SRGAP2B: variants seen among roughly 807,000 people sequenced by gnomAD.
SRGAP2B encodes the protein SLIT-ROBO Rho GTPase activating protein 2B.
Under a neutral mutation model 22.2 loss-of-function variants are expected in SRGAP2B, and 9 were observed. The observed-to-expected ratio is 0.41, with a 90% confidence interval of 0.24 to 0.71. SRGAP2B has a LOEUF of 0.71. Among genes scored for constraint, SRGAP2B ranks in the 30% least tolerant of loss-of-function variants. SRGAP2B has a pLI of 0.35. For missense variants in SRGAP2B, 114 were observed against 235.8 expected (o/e 0.48, Z 3.38); for synonymous variants, 36 against 87.4 (o/e 0.41, Z 3.28).
intron 2 of SRGAP2B, among the ~76,000 whole-genome samples, chr1:145,071,715 T>TA (rs1248773988): frequency 2.4e-5 from 1 of 41,448 alleles, no homozygotes. Flanking sequence ...TGTAAACAAA[T>TA]ACGTGCAAAA....
At chr1:145,009,368 C>A (rs1446813159) in intron 2 of SRGAP2B, among the ~76,000 whole-genome samples, 1 of 149,496 alleles carries the variant, frequency 6.7e-6, no homozygotes, top group Non-Finnish European at 1.5e-5. Flanking sequence ...GCGGGCGGAT[C>A]ACGAGGTCAG....
intron 2 of SRGAP2B, among the ~76,000 whole-genome samples, chr1:145,014,187 AGCTACTCGGGAGTCTGAG>A (rs1672253368): frequency 6.9e-6 from 1 of 145,674 alleles, no homozygotes; most frequent in African/African-American, 2.7e-5. Flanking sequence ...CTGTAATTCC[AGCTACTCGGGAGTCTGAG>A]GCATGACAAT....
At chr1:144,970,810 T>A (rs1208193053) in intron 3 of SRGAP2B, among the ~76,000 whole-genome samples, 1 of 150,066 alleles carries the variant, frequency 6.7e-6, no homozygotes, top group Non-Finnish European at 1.5e-5. Flanking sequence ...AATAAATAAA[T>A]AAATAAATGG....
intron 2 of SRGAP2B, among the ~76,000 whole-genome samples, chr1:145,084,054 ATTTC>A (rs1324218522): frequency 1.7e-4 from 21 of 125,818 alleles, no homozygotes; most frequent in Non-Finnish European, 3.2e-4. Flanking sequence ...GAAAGGTGAG[ATTTC>A]TTTCTTTCTT....
At chr1:145,020,701 T>C (rs1232714095) in intron 2 of SRGAP2B, among the ~76,000 whole-genome samples, 2 of 148,906 alleles carry the variant, frequency 1.3e-5, no homozygotes, top group East Asian at 3.9e-4. Flanking sequence ...GTTGCACAGA[T>C]GAATGAATGA....
intron 4 of SRGAP2B, among the ~76,000 whole-genome samples, chr1:144,951,659 T>C (rs1666882385): frequency 6.7e-6 from 1 of 149,512 alleles, no homozygotes; most frequent in Admixed American, 6.7e-5. Context: ...TCATAATTTT[T>C]GCAGTGAATC....
At chr1:145,041,474 T>G in intron 2 of SRGAP2B, among the ~76,000 whole-genome samples, 1 of 115,342 alleles carries the variant, frequency 8.7e-6, no homozygotes, top group African/African-American at 3.7e-5. Flanking sequence ...GAAACAAGAG[T>G]GAGACCCCAT....
At chr1:145,045,077 T>G (rs1571081713) in intron 2 of SRGAP2B, among the ~76,000 whole-genome samples, 2 of 138,338 alleles carry the variant, frequency 1.4e-5, no homozygotes, top group Admixed American at 7.3e-5. Context: ...AAAAAAAGGA[T>G]CGATACCATC....
At chr1:144,969,654 A>G (rs587690232) in intron 3 of SRGAP2B, among the ~76,000 whole-genome samples, 1,728 of 150,446 alleles carry the variant, frequency 0.011, 31 homozygotes, top group Non-Finnish European at 0.019. Flanking sequence ...GGGATCTCAT[A>G]AAACTAAAGA....
chr1:145,030,720 AAATAT>A (rs1272983153), intron 2 of SRGAP2B, among the ~76,000 whole-genome samples: 2 of 53,192 alleles, frequency 3.8e-5, no homozygotes, highest in African/African-American at 1.0e-4. Flanking sequence ...AAAAAAAAAA[AAATAT>A]ATATATATAT....
chr1:144,984,096 G>A (rs1245268580), intron 3 of SRGAP2B, among the ~76,000 whole-genome samples: 15 of 150,394 alleles, frequency 1.0e-4, no homozygotes, highest in African/African-American at 2.3e-4. Context: ...CAAGGTGTGC[G>A]GATCACCTGA....
At chr1:144,921,407 G>C (rs1334332553) in intron 4 of SRGAP2B, among the ~76,000 whole-genome samples, 2 of 142,568 alleles carry the variant, frequency 1.4e-5, no homozygotes, top group Admixed American at 7.1e-5. Flanking sequence ...TTCAGTATTA[G>C]TGACTCCCAA....
At chr1:145,081,721 G>A (rs1652950242) in intron 2 of SRGAP2B, among the ~76,000 whole-genome samples, 1 of 147,638 alleles carries the variant, frequency 6.8e-6, no homozygotes, top group Non-Finnish European at 1.5e-5. Context: ...AGATTTCTAA[G>A]GGATTTCAAT....
chr1:145,062,708 G>A (rs1651053998), intron 2 of SRGAP2B, among the ~76,000 whole-genome samples: 2 of 148,626 alleles, frequency 1.3e-5, no homozygotes, highest in African/African-American at 5.0e-5. Context: ...GTCTGCAGCG[G>A]CAGAAAGACA....
rs1170861904 is a variant in SRGAP2B, at chr1:145,075,809, C to A, written c.67+17026G>T. ...TGCAATTTAAGAACTACTCTGAGGC[C>A]GGGCACGGTGGCTCACACCTGTAAT... is the stretch of plus-strand genomic sequence containing the variant. On this transcript the variant is annotated intron_variant, in intron 2 of 9. Transcript: ENST00000612199. Among the ~76,000 whole-genome samples the A allele has an allele frequency of 1.1e-4, 17 of 148,574 alleles. 2 individuals carry two copies. The highest frequency in any genetic ancestry group is 3.6e-4 in the African/African-American group (14 of 39,412).
intron 4 of SRGAP2B, among the ~76,000 whole-genome samples, chr1:144,920,064 T>C (rs1485719357): frequency 2.7e-5 from 4 of 150,674 alleles, no homozygotes; most frequent in Non-Finnish European, 5.9e-5. Flanking sequence ...GAGTGCTGAT[T>C]GGTGCATTTA....
At chr1:144,993,144 G>C (rs1553617737) in intron 3 of SRGAP2B, among the ~76,000 whole-genome samples, 12 of 151,074 alleles carry the variant, frequency 7.9e-5, no homozygotes. Context: ...TGAATGTTCT[G>C]TTTGGCTCGG....
At chr1:144,912,076 C>T (rs1487957379) in intron 5 of SRGAP2B, among the ~76,000 whole-genome samples, 7 of 145,878 alleles carry the variant, frequency 4.8e-5, no homozygotes, top group Admixed American at 3.4e-4. Flanking sequence ...TCAGCCTCCC[C>T]AGTAGCTGGG....
chr1:144,911,437 A>C (rs1663402348), intron 5 of SRGAP2B, among the ~76,000 whole-genome samples: 1 of 150,064 alleles, frequency 6.7e-6, no homozygotes, highest in Admixed American at 6.6e-5. Flanking sequence ...CAAGGTGACC[A>C]ATTAACCCTT....
Sources: allele counts gnomAD v4.1 joint callset (sites outside exome capture counted in the v4.1 genomes callset), GRCh38; gene constraint gnomAD v4.1.1; transcripts MANE v1.5; gene names NCBI Gene and HGNC (gene_info 2026-07-23, HGNC 2026-07-21).